Variants in SIK3 observed in about 807,000 individuals in gnomAD.
SIK3 encodes SIK family kinase 3.
Under a neutral mutation model 144.2 loss-of-function variants are expected in SIK3, and 28 were observed. The ratio of observed to expected loss-of-function variants is 0.19; its 90% CI spans 0.14 to 0.27. The LOEUF is 0.27. Among genes scored for constraint, SIK3 ranks in the 10% least tolerant of loss-of-function variants. SIK3 has a pLI of 1.00. For missense variants in SIK3, 1,319 were observed against 1,776.0 expected (o/e 0.74, Z 4.62); for synonymous variants, 686 against 676.3 (o/e 1.01, Z -0.22).
intron 4 of SIK3, among the ~76,000 whole-genome samples, chr11:116,925,370 G>C (rs1218189544): frequency 1.3e-5 from 2 of 152,242 alleles, no homozygotes; most frequent in Non-Finnish European, 2.9e-5. Context: ...TTAGGAGTAG[G>C]AGATGTGACA....
intron 3 of SIK3, among the ~76,000 whole-genome samples, chr11:116,944,465 G>GCAAT (rs56983284): frequency 3.3e-5 from 5 of 151,226 alleles, no homozygotes; most frequent in African/African-American, 4.9e-5. Flanking sequence ...AATCATGTGA[G>GCAAT]CAATCAATCA....
chr11:116,955,159 A>G (rs1295664817), intron 2 of SIK3, among the ~76,000 whole-genome samples: 1 of 152,194 alleles, frequency 6.6e-6, no homozygotes, highest in Non-Finnish European at 1.5e-5. Flanking sequence ...GCACTTTGGG[A>G]GGCCGAGGTG....
At chr11:116,870,555 A>AT (rs1381452228) in intron 13 of SIK3, among the ~76,000 whole-genome samples, 154 bp from the exon 14 acceptor site, 1 of 152,040 alleles carries the variant, frequency 6.6e-6, no homozygotes, top group Non-Finnish European at 1.5e-5. Flanking sequence ...TCATATACCT[A>AT]TTTTTCCATT....
rs192691441 is a variant in SIK3 at position 116,900,617 on chromosome 11, A to C, written c.617-3300T>G. 9.5e-4 allele frequency among the ~76,000 whole-genome samples: 144 copies of C among 152,296 alleles called. 1 individual carries two copies. The highest frequency in any genetic ancestry group is 3.3e-3 in the African/African-American group (138 of 41,582). ...ATGCTAGCATCACTAGACTATTCAC[A>C]TCCTGTGTTTACATGCCTTCCACAT... On this transcript the variant is annotated intron_variant, in intron 4 of 24. Transcript: ENST00000445177.
chr11:117,023,699 C>G (rs1359140717), intron 1 of SIK3, among the ~76,000 whole-genome samples: 1 of 147,970 alleles, frequency 6.8e-6, no homozygotes, highest in East Asian at 2.0e-4. Context: ...TTTTTTGACA[C>G]AGGGTCTCTC....
intron 6 of SIK3, among the ~76,000 whole-genome samples, chr11:116,877,245 A>G (rs1944303984): frequency 6.6e-6 from 1 of 152,194 alleles, no homozygotes; most frequent in African/African-American, 2.4e-5. Context: ...GAGAAAAAGA[A>G]ACTCAAGTGT....
At chr11:116,985,701 A>G (rs1043917521) in intron 1 of SIK3, among the ~76,000 whole-genome samples, 1 of 152,194 alleles carries the variant, frequency 6.6e-6, no homozygotes, top group Non-Finnish European at 1.5e-5. Flanking sequence ...CTTTTTCTAA[A>G]TTTCAATTTA....
chr11:116,857,799 G>C lies in SIK3; in HGVS notation c.3655+11C>G, dbSNP rs375290190. The stretch of plus-strand genomic sequence containing the variant: ...ACTGGCCCAGGACTTCCACTGTGAG[G>C]AGACACTTACCTCTGCTGGGCACCT... On this transcript the variant is annotated intron_variant, in intron 21 of 24. Coordinates refer to ENST00000445177, the MANE Select transcript of SIK3 (RefSeq NM_001366686.3). The C allele has an allele frequency of 1.2e-6, 2 of 1,613,608 alleles. No individual in the cohort carries two copies. Among genetic ancestry groups the C allele is most frequent in the Admixed American group, 3.3e-5 (2 of 59,988 alleles).
At chr11:116,938,188 G>C (rs532730605) in intron 3 of SIK3, among the ~76,000 whole-genome samples, 1 of 103,208 alleles carries the variant, frequency 9.7e-6, no homozygotes, top group Non-Finnish European at 1.8e-5. Context: ...CTGGGCAACA[G>C]AGTGAGACTC....
chr11:116,957,704 C>A (rs760043266), intron 1 of SIK3, among the ~76,000 whole-genome samples: 2 of 152,102 alleles, frequency 1.3e-5, no homozygotes, highest in Non-Finnish European at 2.9e-5. Flanking sequence ...TATCATTAAC[C>A]TTGCTTTAGA....
chr11:117,011,344 G>T (rs1332968845), intron 1 of SIK3, among the ~76,000 whole-genome samples: 1 of 152,068 alleles, frequency 6.6e-6, no homozygotes, highest in Admixed American at 6.5e-5. Flanking sequence ...GGCAGAAAGG[G>T]ACTGTCTGAG....
chr11:116,849,247 G>GGA lies in SIK3; in HGVS notation c.3690_3691dup (p.Pro1231LeufsTer53), dbSNP rs778050724. On this transcript the variant is annotated frameshift_variant, in exon 22 of 25. Coordinates refer to ENST00000445177, the MANE Select transcript of SIK3 (RefSeq NM_001366686.3). LOFTEE classifies it high-confidence loss of function. This position sits in a 1 kb window ranked among gnomAD's most constrained non-coding sequence, Gnocchi z 4.2. ...ATCCGGCAGCTCCACTGCTTGTCCT[G>GGA]GAGAACTTCTATCCATGCAGTTCCC... 6.2e-7 allele frequency: 1 copy of GGA among 1,614,192 alleles called. No homozygotes were observed. Among genetic ancestry groups the GGA allele is most frequent in the Non-Finnish European group, 8.5e-7 (1 of 1,180,026 alleles).
intron 1 of SIK3, among the ~76,000 whole-genome samples, chr11:117,039,211 GATAA>G: frequency 6.6e-6 from 1 of 152,276 alleles, no homozygotes; most frequent in South Asian, 2.1e-4. Flanking sequence ...AACCTTATTT[GATAA>G]ATAAAAAGAT....
Position 116,849,380 on chromosome 11 carries a change from G to T in SIK3, c.3656-97C>A. The T allele has an allele frequency of 7.0e-7, 1 of 1,419,580 alleles. No homozygotes were observed. The highest frequency in any genetic ancestry group is 9.7e-7 in the Non-Finnish European group (1 of 1,029,940). The allele number at this position is 1,419,580 out of a possible 1,614,324, so 87.9% of individuals were successfully genotyped here. ...ATGTCTTGCAAGGGACAATGGGCAA[G>T]GCTGAGGAGATCATGTACACCAACC... On this transcript the variant is annotated intron_variant, in intron 21 of 24. Transcript: ENST00000445177. The surrounding 1 kb of genome is among the most constrained non-coding windows in gnomAD (Gnocchi z 4.2).
intron 21 of SIK3, among the ~76,000 whole-genome samples, chr11:116,853,826 G>T (rs1942655933): frequency 6.6e-6 from 1 of 152,204 alleles, no homozygotes; most frequent in African/African-American, 2.4e-5. Context: ...GATCAAGTGT[G>T]TGTACCACTA....
chr11:116,851,083 A>G (rs773196149), intron 21 of SIK3, among the ~76,000 whole-genome samples: 53 of 152,258 alleles, frequency 3.5e-4, no homozygotes, highest in Non-Finnish European at 6.3e-4. Context: ...TCTATGGACT[A>G]GAATTGGAGA....
At chr11:116,998,057 T>C (rs1301950527) in intron 1 of SIK3, among the ~76,000 whole-genome samples, 1 of 151,994 alleles carries the variant, frequency 6.6e-6, no homozygotes, top group Admixed American at 6.6e-5. Context: ...TCTTGCTATG[T>C]TACCCAGGCT....
Position 116,844,578 on chromosome 11 carries a change from G to A in SIK3, c.*1065C>T, listed in dbSNP as rs1301876060. The A allele has an allele frequency of 1.6e-5, 2 of 122,908 alleles. No individual in the cohort carries two copies. Among genetic ancestry groups the A allele is most frequent in the African/African-American group, 2.9e-5 (1 of 35,006 alleles). 7.6% of individuals were successfully genotyped at this position (122,908 alleles called of 1,614,324 possible). A position where few individuals can be genotyped will look rare whatever the true frequency, so the allele number is the denominator to read the frequency against. ...CTGTGACAAAGAGGCTGAAAGAGGA[G>A]AGCATATATATATATATTTTATATA... On this transcript the variant is annotated 3_prime_UTR_variant, in exon 25 of 25. Coordinates refer to ENST00000445177, the MANE Select transcript of SIK3 (RefSeq NM_001366686.3).
intron 21 of SIK3, among the ~76,000 whole-genome samples, chr11:116,855,070 T>G (rs1942772759): frequency 9.0e-6 from 1 of 111,174 alleles, no homozygotes; most frequent in Non-Finnish European, 1.7e-5. Flanking sequence ...TGGGTGACAG[T>G]GTGAGACTCT....
Sources: allele counts gnomAD v4.1 joint callset (sites outside exome capture counted in the v4.1 genomes callset), GRCh38; gene constraint gnomAD v4.1.1; non-coding constraint Gnocchi (gnomAD v3.1); transcripts MANE v1.5; gene names NCBI Gene and HGNC (gene_info 2026-07-23, HGNC 2026-07-21).